Variants in EPM2A observed in about 807,000 individuals in gnomAD.
EPM2A encodes laforin.
A neutral mutation model predicts 26.5 loss-of-function variants in EPM2A; 21 were observed. That is an observed-to-expected ratio of 0.79 (90% CI 0.56 to 1.14). EPM2A has a LOEUF of 1.14. Among genes scored for constraint, EPM2A ranks in the 50% most tolerant of loss-of-function variants. The pLI, the probability that EPM2A is intolerant of heterozygous loss-of-function variation, is 0.00. For missense variants in EPM2A, 458 were observed against 440.8 expected (o/e 1.04, Z -0.35); for synonymous variants, 217 against 177.6 (o/e 1.22, Z -1.76).
chr6:145,503,650 T>C (rs1779927461), intron 2 of EPM2A, among the ~76,000 whole-genome samples: 1 of 98,450 alleles, frequency 1.0e-5, no homozygotes, highest in African/African-American at 4.3e-5. Flanking sequence ...ATCAATATCG[T>C]GAAAATGGTC....
intron 1 of EPM2A, among the ~76,000 whole-genome samples, chr6:145,723,035 A>G (rs898506020): frequency 6.6e-6 from 1 of 152,226 alleles, no homozygotes; most frequent in African/African-American, 2.4e-5. Context: ...TCGCAAACAA[A>G]TGTGTTATTT....
In EPM2A at chr6:145,552,368, AC is replaced by A. The variant is rs368856178; in HGVS notation, c.341-49794del. Among the ~76,000 whole-genome samples, 22 of 152,136 alleles carry A rather than the reference AC, an allele frequency of 1.4e-4. No homozygotes were observed. In the South Asian group the frequency reaches 4.4e-3, roughly 30 times the overall value. ...GCTTCCAAGAAAATACAGATAACCT[AC>A]AAGGGAATGACAATCAGAGTGATTT... On this transcript the variant is annotated intron_variant, in intron 2 of 3. Transcript: ENST00000450221.
intron 1 of EPM2A, among the ~76,000 whole-genome samples, chr6:145,709,573 A>G (rs1398711370): frequency 6.6e-6 from 1 of 152,206 alleles, no homozygotes; most frequent in East Asian, 1.9e-4. Flanking sequence ...TGAGTCAATA[A>G]AAGCTCTTTT....
intron 2 of EPM2A, among the ~76,000 whole-genome samples, chr6:145,575,373 G>A (rs574139646): frequency 6.6e-5 from 10 of 152,214 alleles, no homozygotes; most frequent in East Asian, 3.9e-4. Flanking sequence ...GACACCTGGC[G>A]AGGCAGTGCA....
chr6:145,395,480 G>A (rs1345600043), intron 4 of EPM2A, among the ~76,000 whole-genome samples: 7 of 152,164 alleles, frequency 4.6e-5, no homozygotes, highest in African/African-American at 1.7e-4. Context: ...GGACAGTCAT[G>A]GCCATTTTCA....
rs371987458 is a variant in EPM2A at position 145,509,709 on chromosome 6, G to C, written c.341-7134C>G. ...CAAATCAATTAGCTAAAAGCACTAC[G>C]AAAGGAACAAAACCACTATATCAAT... On this transcript the variant is annotated intron_variant, in intron 2 of 3. Transcript: ENST00000450221. Among the ~76,000 whole-genome samples the C allele has an allele frequency of 9.9e-5, 15 of 152,178 alleles. 1 individual carries two copies. The South Asian group carries it at 3.1e-3, about 32-fold the overall frequency.
At chr6:145,716,220 A>C (rs546272015) in intron 1 of EPM2A, among the ~76,000 whole-genome samples, 2 of 152,352 alleles carry the variant, frequency 1.3e-5, no homozygotes, top group South Asian at 4.1e-4. Flanking sequence ...CAGATGCAGA[A>C]TCCATAGGGA....
At chr6:145,503,188 G>C (rs1271279019) in intron 2 of EPM2A, among the ~76,000 whole-genome samples, 2 of 152,124 alleles carry the variant, frequency 1.3e-5, no homozygotes. Context: ...GCTCTTTTCA[G>C]GTCTATTTAT....
intron 2 of EPM2A, among the ~76,000 whole-genome samples, chr6:145,544,296 C>T (rs1353955795): frequency 2.0e-5 from 3 of 152,194 alleles, no homozygotes; most frequent in African/African-American, 7.2e-5. Flanking sequence ...GTGAGTCAGA[C>T]TCCACCTGGG....
intron 4 of EPM2A, chr6:145,489,487 AT>A: frequency 1.8e-6 from 1 of 542,652 alleles, no homozygotes; most frequent in Non-Finnish European, 3.3e-6. Context: ...AGAGGAATCA[AT>A]TTGTTTCAAC....
At chr6:145,644,942 T>C (rs1000119747) in intron 2 of EPM2A, among the ~76,000 whole-genome samples, 1 of 152,166 alleles carries the variant, frequency 6.6e-6, no homozygotes, top group African/African-American at 2.4e-5. Context: ...GTAGGAAAGA[T>C]TGTAAATTAG....
At position 145,565,933 on chromosome 6, in the gene EPM2A, T is replaced by C. The variant is rs546361051; in HGVS notation, c.341-63358A>G. Among the ~76,000 whole-genome samples, 362 of 152,270 alleles carry C rather than the reference T, an allele frequency of 2.4e-3. 1 individual carries two copies. The highest frequency in any genetic ancestry group is 8.5e-3 in the African/African-American group (352 of 41,552). On this transcript the variant is annotated intron_variant, in intron 2 of 3. Coordinates refer to the EPM2A transcript ENST00000450221. ...TGGTGTGCTTATTCAGGAAAAAATA[T>C]GGAAATCTCTCCTCTAAGGCAATGT...
chr6:145,413,124 A>C (rs1326752441), intron 4 of EPM2A, among the ~76,000 whole-genome samples: 7 of 152,224 alleles, frequency 4.6e-5, no homozygotes, highest in Non-Finnish European at 8.8e-5. Flanking sequence ...GCACAGAATC[A>C]GGGAAAAACA....
At chr6:145,526,001 A>T (rs550272627) in intron 2 of EPM2A, among the ~76,000 whole-genome samples, 16 of 152,172 alleles carry the variant, frequency 1.1e-4, no homozygotes, top group African/African-American at 3.6e-4. Context: ...CTTTATCATG[A>T]AGGGATGTTG....
chr6:145,646,965 A>C (rs1463410448), intron 2 of EPM2A, among the ~76,000 whole-genome samples: 1 of 152,152 alleles, frequency 6.6e-6, no homozygotes, highest in Non-Finnish European at 1.5e-5. Flanking sequence ...CAGAGTCATT[A>C]GCCCACCATA....
At chr6:145,505,246 TAA>T (rs35126192) in intron 2 of EPM2A, among the ~76,000 whole-genome samples, 11 of 149,788 alleles carry the variant, frequency 7.3e-5, no homozygotes, top group African/African-American at 2.4e-4. Context: ...AAAGTATAAT[TAA>T]AAAAAAAAAT....
chr6:145,464,676 G>T (rs555030121), intron 4 of EPM2A, among the ~76,000 whole-genome samples: 2 of 151,986 alleles, frequency 1.3e-5, no homozygotes, highest in Non-Finnish European at 2.9e-5. Flanking sequence ...AGTTACATGT[G>T]TAACATATTT....
At chr6:145,583,561 C>T (rs890630438) in intron 2 of EPM2A, among the ~76,000 whole-genome samples, 1 of 152,186 alleles carries the variant, frequency 6.6e-6, no homozygotes, top group Non-Finnish European at 1.5e-5. Context: ...AGTCCACTAG[C>T]CCCAACATTC....
At chr6:145,485,627 A>G (rs1316054148) in intron 4 of EPM2A, among the ~76,000 whole-genome samples, 2 of 152,182 alleles carry the variant, frequency 1.3e-5, no homozygotes, top group East Asian at 1.9e-4. Flanking sequence ...AATTCAGAGC[A>G]TGGAAGCCTG....
Sources: allele counts gnomAD v4.1 joint callset (sites outside exome capture counted in the v4.1 genomes callset), GRCh38; gene constraint gnomAD v4.1.1; transcripts MANE v1.5; gene names NCBI Gene and HGNC (gene_info 2026-07-23, HGNC 2026-07-21).